Variants in BMPR1B observed in about 807,000 individuals in gnomAD.
The protein encoded by BMPR1B is bone morphogenetic protein receptor type-1B.
In BMPR1B, 12 loss-of-function variants were observed where a neutral mutation model predicts 59.1. The observed-to-expected ratio is 0.20, with a 90% confidence interval of 0.13 to 0.33. The LOEUF (loss-of-function observed/expected upper bound fraction) is 0.33. Among genes scored for constraint, BMPR1B ranks in the 10% least tolerant of loss-of-function variants. BMPR1B has a pLI of 1.00. For synonymous variants in BMPR1B, 237 were observed against 207.3 expected, an observed-to-expected ratio of 1.14 and a Z score of -1.23; for missense variants, 550 against 610.9, an observed-to-expected ratio of 0.90 and a Z score of 1.05.
At chr4:94,918,674 A>G in intron 2 of BMPR1B, among the ~76,000 whole-genome samples, 1 of 142,530 alleles carries the variant, frequency 7.0e-6, no homozygotes, top group African/African-American at 2.8e-5. Flanking sequence ...ACAGAGTAAG[A>G]CACTGTTTAA....
At chr4:94,947,778 A>G (rs377642628) in intron 2 of BMPR1B, among the ~76,000 whole-genome samples, 1 of 152,068 alleles carries the variant, frequency 6.6e-6, no homozygotes, top group Non-Finnish European at 1.5e-5. Context: ...CCTCCTTACA[A>G]TTTTACTCCA....
rs373693541 is a variant in BMPR1B at position 95,149,033 on chromosome 4, TC to T, written c.1252+114del. 9 of 1,413,946 alleles carry T rather than the reference TC, an allele frequency of 6.4e-6. No individual in the cohort carries two copies. In the African/African-American group the frequency reaches 1.1e-4, roughly 18 times the overall value. The allele number at this position is 1,413,946 out of a possible 1,614,324, so 87.6% of individuals were successfully genotyped here. A position where few individuals can be genotyped will look rare whatever the true frequency, so the allele number is the denominator to read the frequency against. ...CTGTCTATAAGATCTGGTTTTATTT[TC>T]CCCTTTATTTCTGTTGATGCAGTCA... On this transcript the variant is annotated intron_variant, in intron 11 of 12. Coordinates refer to ENST00000515059, the MANE Select transcript of BMPR1B (RefSeq NM_001203.3).
chr4:94,844,432 C>G (rs576965276), intron 1 of BMPR1B, among the ~76,000 whole-genome samples: 64 of 152,296 alleles, frequency 4.2e-4, no homozygotes, highest in African/African-American at 1.4e-3. Context: ...AGCCAGTTGC[C>G]TGTTTACCTG....
chr4:94,895,074 G>A (rs372955620), intron 2 of BMPR1B, among the ~76,000 whole-genome samples: 2 of 152,090 alleles, frequency 1.3e-5, no homozygotes, highest in African/African-American at 4.8e-5. Context: ...GCATCTTCAC[G>A]TTGGAGAGAC....
chr4:95,089,586 T>G (rs1052787929), intron 3 of BMPR1B, among the ~76,000 whole-genome samples: 1 of 152,134 alleles, frequency 6.6e-6, no homozygotes, highest in Non-Finnish European at 1.5e-5. Flanking sequence ...GGAGAATGTT[T>G]TGAAAACTGA....
intron 1 of BMPR1B, among the ~76,000 whole-genome samples, chr4:94,850,459 C>G (rs562921813): frequency 4.3e-4 from 65 of 152,000 alleles, no homozygotes; most frequent in Admixed American, 9.8e-4. Flanking sequence ...TTCAAGATAT[C>G]TGTAACAGCT....
chr4:94,836,798 A>G (rs1012917426), intron 1 of BMPR1B, among the ~76,000 whole-genome samples: 3 of 148,742 alleles, frequency 2.0e-5, no homozygotes, highest in Non-Finnish European at 4.5e-5. Context: ...TTCTGTTGCC[A>G]TTCCTTTTGG....
At chr4:95,097,245 A>G (rs1730497403) in intron 3 of BMPR1B, among the ~76,000 whole-genome samples, 1 of 150,946 alleles carries the variant, frequency 6.6e-6, no homozygotes, top group Non-Finnish European at 1.5e-5. Flanking sequence ...AGGGAAGAAG[A>G]GAGAAGAGAG....
chr4:94,861,454 T>C (rs572617011), intron 1 of BMPR1B, among the ~76,000 whole-genome samples: 2 of 152,320 alleles, frequency 1.3e-5, no homozygotes, highest in East Asian at 3.9e-4. Flanking sequence ...GAATGGAGTC[T>C]TCCTTTGGTG....
At chr4:95,120,322 A>G (rs188722090) in intron 6 of BMPR1B, among the ~76,000 whole-genome samples, 3 of 152,328 alleles carry the variant, frequency 2.0e-5, no homozygotes, top group East Asian at 1.9e-4. Flanking sequence ...TAGTGTGGCA[A>G]TGAACATACA....
chr4:94,862,724 T>A (rs1349450732), intron 1 of BMPR1B, among the ~76,000 whole-genome samples: 1 of 151,362 alleles, frequency 6.6e-6, no homozygotes, highest in East Asian at 2.0e-4. Flanking sequence ...GACGGGTGGA[T>A]CATGAGGTCA....
intron 2 of BMPR1B, among the ~76,000 whole-genome samples, chr4:94,942,802 T>C (rs756848286): frequency 2.6e-5 from 4 of 152,228 alleles, no homozygotes; most frequent in Non-Finnish European, 5.9e-5. Flanking sequence ...TAGGATAGAA[T>C]ATGTTCATGC....
intron 4 of BMPR1B, among the ~76,000 whole-genome samples, chr4:95,111,403 C>A (rs1343987641): frequency 1.3e-5 from 2 of 151,876 alleles, no homozygotes; most frequent in East Asian, 1.9e-4. Context: ...ATTAAAGGGA[C>A]CAAAGTTTGG....
At chr4:95,041,027 G>A (rs1277636193) in intron 3 of BMPR1B, among the ~76,000 whole-genome samples, 2 of 152,100 alleles carry the variant, frequency 1.3e-5, no homozygotes, top group Non-Finnish European at 2.9e-5. Context: ...TGATTAGAAA[G>A]GTCTTTGAGA....
chr4:95,008,981 G>C (rs946589157), intron 3 of BMPR1B, among the ~76,000 whole-genome samples: 2 of 152,044 alleles, frequency 1.3e-5, no homozygotes, highest in Admixed American at 1.3e-4. Context: ...CTTGAGCCCC[G>C]GAGTTGATGA....
chr4:95,085,899 A>G lies in BMPR1B; in HGVS notation c.-17-18509A>G, dbSNP rs74539124. Among the ~76,000 whole-genome samples the G allele has an allele frequency of 2.0e-5, 3 of 152,156 alleles. No individual in the cohort carries two copies. In the East Asian group the frequency reaches 5.8e-4, roughly 29 times the overall value. ...AAGTTACTTGTGAGGTTTATAAAAT[A>G]TTAGGAACATTTGGCAAGAAGAGAC... On this transcript the variant is annotated intron_variant, in intron 3 of 12. Transcript: ENST00000515059.
At chr4:94,934,453 GTTTT>G (rs371268875) in intron 2 of BMPR1B, among the ~76,000 whole-genome samples, 2 of 115,290 alleles carry the variant, frequency 1.7e-5, no homozygotes. Context: ...CCCAGCTATG[GTTTT>G]TTTTTTTTTT....
At chr4:94,846,496 G>A (rs1307803995) in intron 1 of BMPR1B, among the ~76,000 whole-genome samples, 1 of 152,104 alleles carries the variant, frequency 6.6e-6, no homozygotes, top group East Asian at 1.9e-4. Context: ...TAAGCAGGCA[G>A]AAAAATGTGA....
At chr4:94,800,214 T>C (rs1468049297) in intron 1 of BMPR1B, among the ~76,000 whole-genome samples, 1 of 152,188 alleles carries the variant, frequency 6.6e-6, no homozygotes, top group Non-Finnish European at 1.5e-5. Context: ...ATTTACTGTT[T>C]TAGAAAGATT....
Sources: allele counts gnomAD v4.1 joint callset (sites outside exome capture counted in the v4.1 genomes callset), GRCh38; gene constraint gnomAD v4.1.1; transcripts MANE v1.5; gene names NCBI Gene and HGNC (gene_info 2026-07-23, HGNC 2026-07-21).